Variants in SAMD4A observed in about 807,000 individuals in gnomAD.
SAMD4A encodes the protein protein Smaug homolog 1.
Under a neutral mutation model 81.3 loss-of-function variants are expected in SAMD4A, and 33 were observed. The ratio of observed to expected loss-of-function variants is 0.41; its 90% confidence interval spans 0.31 to 0.54. The LOEUF (loss-of-function observed/expected upper bound fraction) is 0.54, where lower values mean the gene tolerates loss of function less well. Ranked by LOEUF, SAMD4A falls within the 20% of genes least tolerant of loss-of-function variation. The pLI is 0.37. For missense variants in SAMD4A, 854 were observed against 951.1 expected (o/e 0.90, Z 1.34); for synonymous variants, 389 against 382.1 (o/e 1.02, Z -0.21).
chr14:54,606,698 A>G (rs1033867293), intron 2 of SAMD4A, among the ~76,000 whole-genome samples: 4 of 152,230 alleles, frequency 2.6e-5, no homozygotes, highest in Non-Finnish European at 4.4e-5. Context: ...TTCAAAGTCC[A>G]ATGAGATTTA....
intron 11 of SAMD4A, among the ~76,000 whole-genome samples, chr14:54,777,968 T>C (rs2038901796): frequency 1.3e-5 from 2 of 152,134 alleles, no homozygotes; most frequent in Admixed American, 1.3e-4. Flanking sequence ...CCAGGGTCCT[T>C]TCATCCCATC....
At chr14:54,742,716 G>A (rs2037875543) in intron 4 of SAMD4A, among the ~76,000 whole-genome samples, 1 of 152,206 alleles carries the variant, frequency 6.6e-6, no homozygotes, top group Non-Finnish European at 1.5e-5. Context: ...GTATGCTTAT[G>A]ATGTTTGGCA....
chr14:54,755,726 T>A (rs747967799), intron 6 of SAMD4A, among the ~76,000 whole-genome samples: 48 of 152,064 alleles, frequency 3.2e-4, no homozygotes, highest in Non-Finnish European at 6.6e-4. Context: ...GGCCATGGGG[T>A]ACAGAATTGA....
intron 4 of SAMD4A, among the ~76,000 whole-genome samples, chr14:54,740,849 A>G (rs1229292627): frequency 6.6e-6 from 1 of 152,186 alleles, no homozygotes; most frequent in Non-Finnish European, 1.5e-5. Context: ...TCTTTAGTAA[A>G]TGTCCATCCT....
chr14:54,789,784 G>A lies in SAMD4A; in HGVS notation c.*840G>A, dbSNP rs1341161379. 2 of 152,350 alleles carry A rather than the reference G, an allele frequency of 1.3e-5. No individual in the cohort carries two copies. The highest frequency in any genetic ancestry group is 1.3e-4 in the Admixed American group (2 of 15,292). 9.4% of individuals were successfully genotyped at this position (152,350 alleles called of 1,614,324 possible). ...CTGTCCGTCTTTCACCGTTAGGTGG[G>A]AGGAGCGTATGGGTGGACTTGAAGG... On this transcript the variant is annotated 3_prime_UTR_variant, in exon 13 of 13. Coordinates refer to ENST00000554335, the MANE Select transcript of SAMD4A (RefSeq NM_015589.6).
chr14:54,647,722 G>A (rs2035316609), intron 2 of SAMD4A, among the ~76,000 whole-genome samples: 1 of 152,058 alleles, frequency 6.6e-6, no homozygotes, highest in Non-Finnish European at 1.5e-5. Flanking sequence ...AATATTTTAG[G>A]ACCTCCTTAA....
chr14:54,766,391 A>C (rs1215259151), intron 8 of SAMD4A, among the ~76,000 whole-genome samples: 2 of 152,172 alleles, frequency 1.3e-5, no homozygotes, highest in Admixed American at 1.3e-4. Flanking sequence ...GGGGTGAGAC[A>C]GAAAGAAACA....
At chr14:54,595,992 G>A (rs2033900689) in intron 2 of SAMD4A, among the ~76,000 whole-genome samples, 1 of 152,184 alleles carries the variant, frequency 6.6e-6, no homozygotes, top group African/African-American at 2.4e-5. Flanking sequence ...AAATAGAATT[G>A]AAGTGGCCTC....
chr14:54,632,578 C>CT (rs546542473), intron 2 of SAMD4A, among the ~76,000 whole-genome samples: 4 of 151,518 alleles, frequency 2.6e-5, no homozygotes, highest in East Asian at 3.9e-4. Context: ...CTACACTTCA[C>CT]TTTTTTTTTC....
intron 2 of SAMD4A, among the ~76,000 whole-genome samples, chr14:54,613,199 G>GAAGGA (rs1445142553): frequency 1.3e-5 from 2 of 151,740 alleles, no homozygotes; most frequent in African/African-American, 2.4e-5. Context: ...GAAGGAAAGG[G>GAAGGA]AAGGAAAGGA....
At chr14:54,678,952 A>G (rs1367522727) in intron 2 of SAMD4A, among the ~76,000 whole-genome samples, 1 of 152,190 alleles carries the variant, frequency 6.6e-6, no homozygotes, top group Non-Finnish European at 1.5e-5. Context: ...TTCAAATGCC[A>G]TTCCTCTTTC....
intron 4 of SAMD4A, among the ~76,000 whole-genome samples, chr14:54,742,392 G>A (rs1225765642): frequency 1.3e-5 from 2 of 152,170 alleles, no homozygotes; most frequent in African/African-American, 4.8e-5. Flanking sequence ...GAACATCCCA[G>A]TGGAGGTGTG....
chr14:54,579,124 A>G (rs1231117849), intron 2 of SAMD4A, among the ~76,000 whole-genome samples: 2 of 152,234 alleles, frequency 1.3e-5, no homozygotes, highest in Admixed American at 6.5e-5. Context: ...TGTGTCACAC[A>G]CTGTGCAGAC....
intron 2 of SAMD4A, among the ~76,000 whole-genome samples, chr14:54,632,831 C>T (rs2034935223): frequency 6.6e-6 from 1 of 152,176 alleles, no homozygotes; most frequent in East Asian, 1.9e-4. Context: ...CAGTACTTAA[C>T]TCATAAGGTT....
intron 2 of SAMD4A, chr14:54,687,959 C>A: frequency 2.0e-6 from 2 of 986,188 alleles, no homozygotes; most frequent in Non-Finnish European, 2.4e-6. Context: ...CATCATAATA[C>A]CCAGCCAGAC....
rs189794926 is a variant in SAMD4A, at chr14:54,679,262, C to G, written c.197-22800C>G. Among the ~76,000 whole-genome samples the G allele has an allele frequency of 5.3e-5, 8 of 152,306 alleles. No individual in the cohort carries two copies. The East Asian group carries it at 1.5e-3, about 29-fold the overall frequency. On this transcript the variant is annotated intron_variant, in intron 2 of 12. Coordinates refer to ENST00000554335, the MANE Select transcript of SAMD4A (RefSeq NM_015589.6). ...CTGCTAGAAAGCAGACATTTAGAAG[C>G]AAGAGAAGAGCATGAGCAGTATCCC...
At position 54,774,960 on chromosome 14, in the gene SAMD4A, T is replaced by C; in HGVS notation, c.1742T>C (p.Leu581Pro). 2 of 1,614,126 alleles carry C rather than the reference T, an allele frequency of 1.2e-6. No individual in the cohort carries two copies. The highest frequency in any genetic ancestry group is 1.7e-6 in the Non-Finnish European group (2 of 1,180,034). ...CGAGGCTTTGGGCAATCCAACTCCCTCCCGACGGCTGGCTCTGTGGGCGGT... is the reference window on the plus strand; with the variant it reads ...CGAGGCTTTGGGCAATCCAACTCCCCCCCGACGGCTGGCTCTGTGGGCGGT... Reference protein sequence around the residue: ...RNRGFGQSNSLPTAGSVGGGM... With the variant: ...RNRGFGQSNSPPTAGSVGGGM... The change falls in exon 10 of 13, where the codon CTC (leucine) becomes CCC (proline). Residue 581 changes from leucine (L) to proline (P), a missense_variant. By Grantham distance (98) the Leu-to-Pro change is moderately conservative. This residue lies in a region of SAMD4A where 428 missense variants were observed against 471.2 expected (regional missense o/e 0.91). Coordinates refer to ENST00000554335, the MANE Select transcript of SAMD4A (RefSeq NM_015589.6).
chr14:54,784,256 G>A (rs2039077187), intron 11 of SAMD4A: 1 of 1,110,660 alleles, frequency 9.0e-7, no homozygotes, highest in South Asian at 1.4e-5. Context: ...CTGTTACTTT[G>A]ATGGGAGGCC....
intron 12 of SAMD4A, 88 bp from the exon 13 acceptor site, chr14:54,788,828 G>A (rs1347719048): frequency 6.6e-7 from 1 of 1,521,736 alleles, no homozygotes; most frequent in East Asian, 2.3e-5. Context: ...GAGGCTGGGA[G>A]GCCCACCGTG....
Sources: gnomAD v4.1 joint callset for allele counts (sites outside exome capture counted in the v4.1 genomes callset) on GRCh38, gnomAD v4.1.1 for gene constraint, gnomAD v4.1.1 regional missense constraint, MANE v1.5 for transcripts, NCBI Gene and HGNC (gene_info 2026-07-23, HGNC 2026-07-21) for gene names.